The following ARFGEF3 variants were observed in gnomAD, a reference collection of about 807,000 sequenced individuals.
ARFGEF3 encodes the protein brefeldin A-inhibited guanine nucleotide-exchange protein 3.
ARFGEF3 carries 96 observed loss-of-function variants against 221.7 expected under a neutral mutation model. That is an observed-to-expected ratio of 0.43 (90% confidence interval 0.37 to 0.51). The LOEUF (loss-of-function observed/expected upper bound fraction) is 0.51. Among genes scored for constraint, ARFGEF3 ranks in the 20% least tolerant of loss-of-function variants. ARFGEF3 has a pLI of 0.00. For missense variants in ARFGEF3, 2,410 were observed against 2,789.9 expected (o/e 0.86, Z 3.07); for synonymous variants, 1,145 against 1,126.8 (o/e 1.02, Z -0.32).
chr6:138,176,017 T>C (rs1462850677), intron 2 of ARFGEF3, among the ~76,000 whole-genome samples: 1 of 152,136 alleles, frequency 6.6e-6, no homozygotes, highest in Non-Finnish European at 1.5e-5. Context: ...GTCTTTATTG[T>C]TTTTGATTTA....
At chr6:138,199,789 G>A (rs1777499482) in intron 2 of ARFGEF3, among the ~76,000 whole-genome samples, 1 of 152,166 alleles carries the variant, frequency 6.6e-6, no homozygotes, top group African/African-American at 2.4e-5. Context: ...AGTCCTTAGG[G>A]TTTTCGAGGT....
chr6:138,208,549 C>G (rs1171589015), intron 3 of ARFGEF3, among the ~76,000 whole-genome samples: 1 of 152,060 alleles, frequency 6.6e-6, no homozygotes, highest in Admixed American at 6.6e-5. Context: ...ACTCGAAGCC[C>G]CTTTGGAAAA....
In ARFGEF3 at chr6:138,253,880, T is replaced by G; in HGVS notation, c.666T>G (p.Asn222Lys). Residue 222 changes from asparagine (N) to lysine (K), a missense_variant and splice_region_variant, in exon 9 of 34, where the codon AAT becomes AAG. This residue lies in a region of ARFGEF3 where 570 missense variants were observed against 586.9 expected (regional missense o/e 0.97). Transcript: ENST00000251691. ...VLCEKLQAAI[N>K]DSQQLQLLYL... ...TTGTGTCGGTTCTGCTCTTCTGCAGTGACAGCCAGCAGCTGCAGCTTCTCT... is the reference window on the plus strand; with the variant it reads ...TTGTGTCGGTTCTGCTCTTCTGCAGGGACAGCCAGCAGCTGCAGCTTCTCT... 1 of 1,573,890 alleles carries G rather than the reference T, an allele frequency of 6.4e-7. No individual in the cohort carries two copies. The highest frequency in any genetic ancestry group is 8.6e-7 in the Non-Finnish European group (1 of 1,159,002).
At position 138,341,883 on chromosome 6, in the gene ARFGEF3, G is replaced by T. The variant is rs1583076911; in HGVS notation, c.*5397G>T. 1 of 152,142 alleles carries T rather than the reference G, an allele frequency of 6.6e-6. No homozygotes were observed. The highest frequency in any genetic ancestry group is 2.4e-5 in the African/African-American group (1 of 41,424). 9.4% of individuals were successfully genotyped at this position (152,142 alleles called of 1,614,324 possible). On this transcript the variant is annotated 3_prime_UTR_variant, in exon 34 of 34. Coordinates refer to ENST00000251691, the MANE Select transcript of ARFGEF3 (RefSeq NM_020340.5). ...ATTGTGGTACCACTCCATCATTGAA[G>T]AGAAACCACTACCACACCACTAGCA...
At chr6:138,225,274 A>G (rs574097320) in intron 4 of ARFGEF3, among the ~76,000 whole-genome samples, 1 of 152,368 alleles carries the variant, frequency 6.6e-6, no homozygotes, top group South Asian at 2.1e-4. Flanking sequence ...AGGCATTTAA[A>G]TTGACATCCA....
chr6:138,271,233 T>A (rs1778998029), intron 12 of ARFGEF3, among the ~76,000 whole-genome samples: 1 of 152,198 alleles, frequency 6.6e-6, no homozygotes, highest in Admixed American at 6.5e-5. Context: ...ATATCACTCC[T>A]ATAGTCTCAG....
At chr6:138,189,461 G>A (rs1478712125) in intron 2 of ARFGEF3, among the ~76,000 whole-genome samples, 1 of 152,120 alleles carries the variant, frequency 6.6e-6, no homozygotes, top group Non-Finnish European at 1.5e-5. Flanking sequence ...TGACTGCTGG[G>A]TGCAAAAGTC....
intron 4 of ARFGEF3, among the ~76,000 whole-genome samples, chr6:138,225,228 C>T (rs1316339327): frequency 6.6e-6 from 1 of 152,198 alleles, no homozygotes; most frequent in Non-Finnish European, 1.5e-5. Context: ...ATTTATTGGC[C>T]TGACCAGCCC....
At chr6:138,234,033 G>A (rs909779616) in intron 5 of ARFGEF3, among the ~76,000 whole-genome samples, 3 of 152,158 alleles carry the variant, frequency 2.0e-5, no homozygotes, top group Non-Finnish European at 4.4e-5. Flanking sequence ...TGAGGAGTCT[G>A]TTCTTTAGCT....
chr6:138,287,450 C>A lies in ARFGEF3; in HGVS notation c.2896+266C>A, dbSNP rs375961198. On this transcript the variant is annotated intron_variant, in intron 17 of 33. Transcript: ENST00000251691. ...AGCAGGCCCAGGGGGACCCACCTGG[C>A]TGAACTGTTCACACCTGTCATCTAG... 4.6e-5 allele frequency among the ~76,000 whole-genome samples: 7 copies of A among 152,218 alleles called. No homozygotes were observed. In the East Asian group the frequency reaches 1.3e-3, roughly 29 times the overall value.
intron 2 of ARFGEF3, among the ~76,000 whole-genome samples, chr6:138,172,154 A>T (rs1257570132): frequency 6.6e-6 from 1 of 152,218 alleles, no homozygotes; most frequent in Non-Finnish European, 1.5e-5. Flanking sequence ...CAAAGCTTAT[A>T]CATGAACAGA....
intron 14 of ARFGEF3, among the ~76,000 whole-genome samples, chr6:138,282,990 G>T (rs771228900): frequency 2.6e-5 from 4 of 152,126 alleles, no homozygotes; most frequent in Non-Finnish European, 5.9e-5. Flanking sequence ...GACAGAGGTT[G>T]CAGTGAGCTG....
At chr6:138,266,320 G>A (rs1778890730) in intron 12 of ARFGEF3, among the ~76,000 whole-genome samples, 1 of 151,928 alleles carries the variant, frequency 6.6e-6, no homozygotes, top group Admixed American at 6.6e-5. Flanking sequence ...GCAAGGCAAG[G>A]CAGAGAGAAA....
Position 138,263,555 on chromosome 6 carries a change from C to T in ARFGEF3, c.2072C>T (p.Ser691Phe), listed in dbSNP as rs760516528. ...EGLLPRLLSLSNVEEVDTALQ... is the reference protein window; with the variant it reads ...EGLLPRLLSLFNVEEVDTALQ... ...CTCCTCCCTCGGCTCCTGTCTCTCT[C>T]CAATGTAGAGGAGGTGGACACCGCT... Residue 691 changes from serine to phenylalanine, a missense_variant, in exon 12 of 34, where the codon TCC (serine) becomes TTC (phenylalanine). Physicochemically the swap from Ser to Phe is radical, Grantham distance 155. This residue lies in a region of ARFGEF3 where 594 missense variants were observed against 734.3 expected (regional missense o/e 0.81). Coordinates refer to ENST00000251691, the MANE Select transcript of ARFGEF3 (RefSeq NM_020340.5). 1.9e-6 allele frequency: 3 copies of T among 1,612,686 alleles called. No homozygotes were observed. The highest frequency in any genetic ancestry group is 2.5e-6 in the Non-Finnish European group (3 of 1,179,750).
At chr6:138,189,607 G>A (rs117145221) in intron 2 of ARFGEF3, among the ~76,000 whole-genome samples, 2,411 of 152,172 alleles carry the variant, frequency 0.016, 35 homozygotes, top group Middle Eastern at 0.058. Context: ...TTCCAATGTC[G>A]TTAAGTGTTC....
intron 4 of ARFGEF3, among the ~76,000 whole-genome samples, chr6:138,211,905 T>A (rs750724796): frequency 5.9e-5 from 9 of 152,206 alleles, no homozygotes; most frequent in Non-Finnish European, 1.3e-4. Context: ...AGCCTCTTAA[T>A]GGACTCTCCA....
At chr6:138,328,481 T>C (rs1780165362) in intron 32 of ARFGEF3, among the ~76,000 whole-genome samples, 1 of 152,192 alleles carries the variant, frequency 6.6e-6, no homozygotes, top group Admixed American at 6.5e-5. Flanking sequence ...TTCCTGTGTC[T>C]TAACATGGAC....
intron 15 of ARFGEF3, among the ~76,000 whole-genome samples, chr6:138,286,367 A>G (rs143352266): frequency 0.013 from 1,937 of 151,638 alleles, 26 homozygotes; most frequent in African/African-American, 0.04. Context: ...AGAGAATGGC[A>G]TGAACCCGGG....
At chr6:138,290,628 A>G (rs916099337) in intron 18 of ARFGEF3, among the ~76,000 whole-genome samples, 2 of 152,218 alleles carry the variant, frequency 1.3e-5, no homozygotes, top group Non-Finnish European at 2.9e-5. Context: ...CTCCCCAAGC[A>G]TTGCATCAGG....
Sources: allele counts gnomAD v4.1 joint callset (sites outside exome capture counted in the v4.1 genomes callset), GRCh38; gene constraint gnomAD v4.1.1; regional missense constraint gnomAD v4.1.1; transcripts MANE v1.5; gene names NCBI Gene and HGNC (gene_info 2026-07-23, HGNC 2026-07-21).